Variants in CRLF1 observed in about 807,000 individuals in gnomAD.
CRLF1 encodes the protein cytokine receptor like factor 1.
CRLF1 carries 36 observed loss-of-function variants against 48.9 expected under a neutral mutation model. The ratio of observed to expected loss-of-function variants is 0.74; its 90% CI spans 0.56 to 0.97. The LOEUF (loss-of-function observed/expected upper bound fraction) is 0.97. CRLF1 is among the 50% of genes least tolerant of loss of function. The pLI is 0.00. For missense variants in CRLF1, 534 were observed against 575.1 expected, an observed-to-expected ratio of 0.93 and a Z score of 0.73; for synonymous variants, 256 against 253.4, an observed-to-expected ratio of 1.01 and a Z score of -0.10.
At chr19:18,598,699 A>C in intron 3 of CRLF1, 73 bp downstream of exon 3, 3 of 1,613,804 alleles carry the variant, frequency 1.9e-6, no homozygotes, top group Middle Eastern at 3.3e-4. Flanking sequence ...ATGGGGGCTC[A>C]GAGAGGGTCC....
chr19:18,600,424 A>G (rs1568442036), intron 1 of CRLF1, among the ~76,000 whole-genome samples: 1 of 151,270 alleles, frequency 6.6e-6, no homozygotes, highest in Non-Finnish European at 1.5e-5. Context: ...GCTGGAGTGC[A>G]GTGGCACGAT....
intron 4 of CRLF1, 93 bp from the exon 5 acceptor site, chr19:18,597,142 C>A (rs542145297): frequency 3.3e-5 from 47 of 1,403,078 alleles, no homozygotes; most frequent in African/African-American, 4.3e-5. Context: ...CTAGATGGAA[C>A]CTGCCTCTGT....
chr19:18,605,907 G>C (rs965617289), intron 1 of CRLF1, among the ~76,000 whole-genome samples: 6 of 152,128 alleles, frequency 3.9e-5, no homozygotes, highest in Non-Finnish European at 8.8e-5. Context: ...TCCTCTCGCT[G>C]GAGGCTCTCC....
At chr19:18,600,568 A>G (rs7248611) in intron 1 of CRLF1, among the ~76,000 whole-genome samples, 72,827 of 151,892 alleles carry the variant, frequency 0.48, 20,589 homozygotes, top group African/African-American at 0.78. Context: ...GGGTTTCAGC[A>G]TGTTAGCCAG....
rs1010622335 is a variant in CRLF1 at position 18,606,528 on chromosome 19, C to A, written c.115+14G>T. On this transcript the variant is annotated intron_variant, in intron 1 of 8. Coordinates refer to ENST00000392386, the MANE Select transcript of CRLF1 (RefSeq NM_004750.5). The surrounding 1 kb of genome is among the most constrained non-coding windows in gnomAD (Gnocchi z 4.8). Reference sequence around the variant, plus strand: ...CTCTGGCAGGGGGGAAGGAGTGGGGCGCCGGGTACTCACGGGCTCCTGATC... The same window carrying A: ...CTCTGGCAGGGGGGAAGGAGTGGGGAGCCGGGTACTCACGGGCTCCTGATC... 5 of 1,156,274 alleles carry A rather than the reference C, an allele frequency of 4.3e-6. No homozygotes were observed. The highest frequency in any genetic ancestry group is 4.2e-5 in the South Asian group (1 of 23,656). 71.6% of individuals were successfully genotyped at this position (1,156,274 alleles called of 1,614,324 possible). A position where few individuals can be genotyped will look rare whatever the true frequency, so the allele number is the denominator to read the frequency against.
chr19:18,601,492 G>C (rs981419812), intron 1 of CRLF1, among the ~76,000 whole-genome samples: 1 of 152,242 alleles, frequency 6.6e-6, no homozygotes, highest in Admixed American at 6.5e-5. Flanking sequence ...GGTCAGGCTG[G>C]TTTCGAACTC....
intron 2 of CRLF1, 61 bp from the exon 3 acceptor site, chr19:18,598,962 G>C: frequency 6.3e-7 from 1 of 1,597,240 alleles, no homozygotes; most frequent in Non-Finnish European, 8.5e-7. Context: ...AGCCTCGGCT[G>C]AGGGGTTGCT....
Position 18,606,487 on chromosome 19 carries a change from G to A in CRLF1, c.115+55C>T. Reference sequence around the variant, plus strand: ...CCCCCTCCCCCCGCGGCTGCCCCCGGGGCGCCCGCCCTCTGCTCTGGCAGG... The same window carrying A: ...CCCCCTCCCCCCGCGGCTGCCCCCGAGGCGCCCGCCCTCTGCTCTGGCAGG... On this transcript the variant is annotated intron_variant, in intron 1 of 8. Transcript: ENST00000392386. This position sits in a 1 kb window ranked among gnomAD's most constrained non-coding sequence, Gnocchi z 4.8. 9.1e-7 allele frequency: 1 copy of A among 1,103,034 alleles called. No homozygotes were observed. Among genetic ancestry groups the A allele is most frequent in the Non-Finnish European group, 1.1e-6 (1 of 905,052 alleles). The allele number at this position is 1,103,034 out of a possible 1,614,324, so 68.3% of individuals were successfully genotyped here.
At position 18,600,823 on chromosome 19, in the gene CRLF1, C is replaced by T. The variant is rs536936789; in HGVS notation, c.116-977G>A. 1.3e-4 allele frequency among the ~76,000 whole-genome samples: 19 copies of T among 150,356 alleles called. No homozygotes were observed. The South Asian group carries it at 1.7e-3, about 13-fold the overall frequency. On this transcript the variant is annotated intron_variant, in intron 1 of 8. Transcript: ENST00000392386. ...CATGCTTTGCTTTTTATTTTTTTAG[C>T]GACAGGGTCTCACTCTGTTGGCCAG...
chr19:18,600,894 C>T (rs1976212739), intron 1 of CRLF1, among the ~76,000 whole-genome samples: 1 of 152,104 alleles, frequency 6.6e-6, no homozygotes, highest in Non-Finnish European at 1.5e-5. Flanking sequence ...GCCTCGATCT[C>T]CTGGGTTCAA....
In CRLF1 at chr19:18,599,720, C is replaced by T. The variant is rs104894670; in HGVS notation, c.242G>A (p.Arg81His). The T allele has an allele frequency of 1.4e-5, 22 of 1,607,572 alleles. No homozygotes were observed. Among genetic ancestry groups the T allele is most frequent in the African/African-American group, 6.7e-5 (5 of 74,862 alleles). The change falls in exon 2 of 9, where the codon CGC (arginine) becomes CAC (histidine). Residue 81 changes from arginine (R) to histidine (H), a missense_variant. Physicochemically the swap from Arg to His is conservative, Grantham distance 29. Transcript: ENST00000392386. The part of the protein sequence containing the change: ...AEGLYWTLNG[R>H]RLPPELSRVL... ...ACGGGAGAGCTCAGGGGGCAGGCGG[C>T]GCCCGTTGAGGGTCCAGTAGAGGCC...
At chr19:18,599,500 CCTCA>C in intron 2 of CRLF1, 61 bp downstream of exon 2, 20 of 1,603,868 alleles carry the variant, frequency 1.2e-5, no homozygotes, top group Non-Finnish European at 1.7e-5. Flanking sequence ...ACAATTCATG[CCTCA>C]CTCCAGAGGG....
intron 6 of CRLF1, 148 bp from the exon 7 acceptor site, chr19:18,594,582 C>T: frequency 1.7e-6 from 1 of 576,634 alleles, no homozygotes. Context: ...CCCCGCGGCC[C>T]TGCACAGCAG....
In CRLF1 at chr19:18,593,489, G is replaced by T; in HGVS notation, c.*77C>A. Reference sequence around the variant, plus strand: ...GGTGGCTCAGGTGCCCTGAAGTGAGGGTACAGAGGTGGCCCCAGTTTGGGT... The same window carrying T: ...GGTGGCTCAGGTGCCCTGAAGTGAGTGTACAGAGGTGGCCCCAGTTTGGGT... On this transcript the variant is annotated 3_prime_UTR_variant, in exon 9 of 9. Coordinates refer to ENST00000392386, the MANE Select transcript of CRLF1 (RefSeq NM_004750.5). The T allele has an allele frequency of 6.3e-7, 1 of 1,590,516 alleles. No homozygotes were observed. The highest frequency in any genetic ancestry group is 8.6e-7 in the Non-Finnish European group (1 of 1,167,760).
chr19:18,595,777 G>A (rs983122581), intron 6 of CRLF1, among the ~76,000 whole-genome samples: 4 of 152,218 alleles, frequency 2.6e-5, no homozygotes. Flanking sequence ...GAGACTAGAG[G>A]CCTGTGGACC....
chr19:18,603,743 G>A (rs568689268), intron 1 of CRLF1, among the ~76,000 whole-genome samples: 8 of 152,294 alleles, frequency 5.3e-5, no homozygotes, highest in African/African-American at 1.4e-4. Flanking sequence ...ATGATTTTCC[G>A]GGGCAAACTT....
intron 1 of CRLF1, among the ~76,000 whole-genome samples, chr19:18,601,131 T>G (rs60174554): frequency 0.016 from 2,409 of 152,272 alleles, 72 homozygotes; most frequent in African/African-American, 0.054. Context: ...TCTCATTTTG[T>G]TTTTCTTTTT....
intron 8 of CRLF1, 33 bp downstream of exon 8, chr19:18,594,032 T>TTGGCGG: frequency 8.6e-6 from 6 of 695,804 alleles, no homozygotes; most frequent in Non-Finnish European, 1.3e-5. Context: ...CTCCCCTTGC[T>TTGGCGG]CCCTCCCGCC....
intron 8 of CRLF1, 33 bp downstream of exon 8, chr19:18,594,032 T>TTGCCAC: frequency 1.0e-5 from 7 of 695,810 alleles, no homozygotes; most frequent in Non-Finnish European, 1.5e-5. Context: ...CTCCCCTTGC[T>TTGCCAC]CCCTCCCGCC....
Sources: gnomAD v4.1 joint callset for allele counts (sites outside exome capture counted in the v4.1 genomes callset) on GRCh38, gnomAD v4.1.1 for gene constraint, Gnocchi (gnomAD v3.1) non-coding constraint, MANE v1.5 for transcripts, NCBI Gene and HGNC (gene_info 2026-07-23, HGNC 2026-07-21) for gene names.